The following LAMA2 variants were observed in gnomAD, a reference collection of about 807,000 sequenced individuals.
LAMA2 encodes the protein laminin subunit alpha-2.
In LAMA2, 269 loss-of-function variants were observed where a neutral mutation model predicts 364.8. The observed-to-expected ratio is 0.74, with a 90% CI of 0.67 to 0.82. The LOEUF is 0.82. Among genes scored for constraint, LAMA2 ranks in the 40% least tolerant of loss-of-function variants. The probability of loss-of-function intolerance (pLI) is 0.00; values close to 1 mark genes in which losing one functional copy is unlikely to be tolerated. For synonymous variants in LAMA2, 1,379 were observed against 1,370.6 expected (o/e 1.01, Z -0.14); for missense variants, 3,807 against 3,873.2 (o/e 0.98, Z 0.45).
At chr6:129,325,516 G>A (rs1775219996) in intron 28 of LAMA2, among the ~76,000 whole-genome samples, 1 of 149,866 alleles carries the variant, frequency 6.7e-6, no homozygotes, top group Non-Finnish European at 1.5e-5. Flanking sequence ...AATAATCAAG[G>A]AAAAGAGAGA....
chr6:128,916,539 A>G (rs184843797), intron 1 of LAMA2, among the ~76,000 whole-genome samples: 2 of 152,244 alleles, frequency 1.3e-5, no homozygotes, highest in African/African-American at 4.8e-5. Context: ...CTGCTTCAGT[A>G]AAGTAACTGG....
At chr6:128,970,897 C>A (rs1015649371) in intron 1 of LAMA2, among the ~76,000 whole-genome samples, 1 of 152,170 alleles carries the variant, frequency 6.6e-6, no homozygotes, top group Non-Finnish European at 1.5e-5. Context: ...TACTAGTCCT[C>A]TTTGACATTT....
At chr6:128,960,591 C>T (rs910892033) in intron 1 of LAMA2, among the ~76,000 whole-genome samples, 2 of 152,176 alleles carry the variant, frequency 1.3e-5, no homozygotes, top group African/African-American at 4.8e-5. Context: ...AACGCCTGAC[C>T]TCGGGTGATC....
chr6:129,359,044 T>C (rs1253413706), intron 32 of LAMA2, among the ~76,000 whole-genome samples: 1 of 151,960 alleles, frequency 6.6e-6, no homozygotes, highest in Non-Finnish European at 1.5e-5. Flanking sequence ...ACTTACCTCA[T>C]AGAATTGCTT....
chr6:129,206,118 AAG>A (rs1782651801), intron 12 of LAMA2, among the ~76,000 whole-genome samples: 2 of 96,180 alleles, frequency 2.1e-5, no homozygotes, highest in South Asian at 7.7e-4. Flanking sequence ...GGAAGGAAGG[AAG>A]GAAGGAAGGA....
At chr6:129,016,946 A>T (rs1785115394) in intron 1 of LAMA2, among the ~76,000 whole-genome samples, 1 of 151,714 alleles carries the variant, frequency 6.6e-6, no homozygotes, top group African/African-American at 2.4e-5. Context: ...ATAAATAAAA[A>T]CACCCCATTT....
rs146438168 is a variant in LAMA2 at position 129,389,701 on chromosome 6, A to G, written c.5072-1790A>G. Among the ~76,000 whole-genome samples the G allele has an allele frequency of 2.8e-3, 425 of 152,342 alleles. 3 individuals carry two copies. The highest frequency in any genetic ancestry group is 0.01 in the African/African-American group (418 of 41,578). Reference sequence around the variant, plus strand: ...TACGATCATGGCAGAAGGCAAAGGGAAAGCAAGGACCTTCTTCACATAGTG... The same window carrying G: ...TACGATCATGGCAGAAGGCAAAGGGGAAGCAAGGACCTTCTTCACATAGTG... On this transcript the variant is annotated intron_variant, in intron 35 of 64. Coordinates refer to ENST00000421865, the MANE Select transcript of LAMA2 (RefSeq NM_000426.4).
chr6:129,444,191 G>T (rs1782255365), intron 44 of LAMA2, among the ~76,000 whole-genome samples: 2 of 152,014 alleles, frequency 1.3e-5, no homozygotes, highest in Admixed American at 1.3e-4. Context: ...GAAAAAGAGG[G>T]GAGAAGAGGA....
At chr6:128,906,147 C>T (rs1246269843) in intron 1 of LAMA2, among the ~76,000 whole-genome samples, 1 of 140,156 alleles carries the variant, frequency 7.1e-6, no homozygotes, top group East Asian at 2.0e-4. Context: ...TGGGTATATA[C>T]CCAGTAATGG....
In LAMA2 at chr6:128,985,559, C is replaced by G. The variant is rs753218517; in HGVS notation, c.113-64359C>G. ...TGCTTAAAAATCTGACATTGATCTT[C>G]CAATGCCTTAAAAATGTTTTTATTA... is the stretch of plus-strand genomic sequence containing the variant. On this transcript the variant is annotated intron_variant, in intron 1 of 64. Coordinates refer to ENST00000421865, the MANE Select transcript of LAMA2 (RefSeq NM_000426.4). Among the ~76,000 whole-genome samples the G allele has an allele frequency of 5.3e-5, 8 of 152,166 alleles. No homozygotes were observed. The East Asian group carries it at 1.4e-3, about 26-fold the overall frequency.
intron 34 of LAMA2, among the ~76,000 whole-genome samples, chr6:129,379,726 A>G (rs1583613008): frequency 6.6e-6 from 1 of 152,168 alleles, no homozygotes; most frequent in Non-Finnish European, 1.5e-5. Context: ...TGTAGTTGGG[A>G]CTGGAGATTC....
intron 1 of LAMA2, among the ~76,000 whole-genome samples, chr6:128,940,566 A>G (rs1780089061): frequency 6.6e-6 from 1 of 152,202 alleles, no homozygotes; most frequent in Non-Finnish European, 1.5e-5. Flanking sequence ...TAAAGATTAT[A>G]TCATATTTTT....
intron 29 of LAMA2, among the ~76,000 whole-genome samples, chr6:129,331,188 T>C (rs548180676): frequency 1.3e-4 from 20 of 152,314 alleles, no homozygotes; most frequent in Admixed American, 1.1e-3. Context: ...CTGCACCTTC[T>C]AAGCTGAACG....
intron 3 of LAMA2, among the ~76,000 whole-genome samples, chr6:129,072,076 G>A (rs1320617657): frequency 6.6e-6 from 1 of 152,116 alleles, no homozygotes; most frequent in Non-Finnish European, 1.5e-5. Flanking sequence ...CAACCCAGGA[G>A]GTAGAGGTTG....
chr6:128,936,885 T>C (rs1464826348), intron 1 of LAMA2, among the ~76,000 whole-genome samples: 1 of 152,196 alleles, frequency 6.6e-6, no homozygotes, highest in Non-Finnish European at 1.5e-5. Flanking sequence ...TATTGAGCTA[T>C]GACAATGTTG....
chr6:129,300,208 A>T (rs886301088), intron 21 of LAMA2, among the ~76,000 whole-genome samples: 9 of 152,112 alleles, frequency 5.9e-5, no homozygotes, highest in Non-Finnish European at 1.3e-4. Flanking sequence ...CCATAATTCA[A>T]CCATTTTAAA....
intron 59 of LAMA2, 79 bp downstream of exon 59, chr6:129,502,850 C>T (rs1019988492): frequency 2.3e-5 from 22 of 953,198 alleles, no homozygotes; most frequent in Admixed American, 1.5e-4. Context: ...GTTGAATCTA[C>T]TACACTTATT....
chr6:129,385,882 A>G (rs1214700257), intron 35 of LAMA2, among the ~76,000 whole-genome samples: 3 of 152,158 alleles, frequency 2.0e-5, no homozygotes, highest in Non-Finnish European at 4.4e-5. Flanking sequence ...CAGTCTTAGT[A>G]TGAAAACAGT....
chr6:129,496,557 T>G (rs987127133), intron 58 of LAMA2, among the ~76,000 whole-genome samples: 4 of 152,216 alleles, frequency 2.6e-5, no homozygotes, highest in Admixed American at 2.6e-4. Flanking sequence ...AATTGTATTA[T>G]ATTTTAGAAA....
Sources: gnomAD v4.1 joint callset for allele counts (sites outside exome capture counted in the v4.1 genomes callset) on GRCh38, gnomAD v4.1.1 for gene constraint, MANE v1.5 for transcripts, NCBI Gene and HGNC (gene_info 2026-07-23, HGNC 2026-07-21) for gene names.